The following ZFHX3 variants were observed in gnomAD, a reference collection of about 807,000 sequenced individuals.
ZFHX3 encodes zinc finger homeobox 3, also known as zinc finger homeobox protein 3.
Under a neutral mutation model 279.1 loss-of-function variants are expected in ZFHX3, and 42 were observed. The observed-to-expected ratio is 0.15, with a 90% CI of 0.12 to 0.19. The LOEUF is 0.19. Among genes scored for constraint, ZFHX3 ranks in the 10% least tolerant of loss-of-function variants. The pLI is 1.00. For synonymous variants in ZFHX3, 2,293 were observed against 1,957.8 expected (o/e 1.17, Z -4.52); for missense variants, 4,981 against 4,754.0 (o/e 1.05, Z -1.40).
chr16:72,855,347 G>A (rs1011120752), intron 4 of ZFHX3, among the ~76,000 whole-genome samples: 1 of 152,234 alleles, frequency 6.6e-6, no homozygotes, highest in African/African-American at 2.4e-5. Flanking sequence ...GTGTGTGTGA[G>A]AGCATGAGTG....
intron 8 of ZFHX3, chr16:73,092,301 C>G (rs1464641708): frequency 6.6e-6 from 1 of 152,268 alleles, no homozygotes; most frequent in Non-Finnish European, 1.5e-5. Flanking sequence ...TCACATAGAG[C>G]CAGTTGTCTG....
intron 1 of ZFHX3, among the ~76,000 whole-genome samples, chr16:72,990,551 A>T (rs914492203): frequency 6.6e-6 from 1 of 152,154 alleles, no homozygotes; most frequent in African/African-American, 2.4e-5. Flanking sequence ...GTAGCTGCTG[A>T]GCGATCTTAA....
intron 7 of ZFHX3, among the ~76,000 whole-genome samples, chr16:73,109,796 C>T (rs1322473658): frequency 1.3e-5 from 2 of 151,822 alleles, no homozygotes; most frequent in South Asian, 2.1e-4. Flanking sequence ...TAGCAGTGAG[C>T]CAAGATCAAA....
chr16:73,055,828 A>C (rs1405475742), intron 1 of ZFHX3, among the ~76,000 whole-genome samples: 6 of 146,816 alleles, frequency 4.1e-5, no homozygotes, highest in Admixed American at 2.7e-4. Context: ...GGCCCCCCAA[A>C]TCCTCATACC....
chr16:73,093,883 A>G (rs1966123172), intron 7 of ZFHX3: 1 of 260,730 alleles, frequency 3.8e-6, no homozygotes. Flanking sequence ...AGCTACTAAT[A>G]GTACTAAGTA....
Position 72,798,548 on chromosome 16 carries a change from C to G in ZFHX3, c.4134G>C (p.Gln1378His). ...NQVFKTSAAL[Q>H]THFNEVHAKR... ...TGGCATGCACTTCATTAAAATGCGT[C>G]TGAAGGGCAGCAGAAGTTTTGAAAA... The change falls in exon 9 of 10, where the codon CAG (glutamine) becomes CAC (histidine). Residue 1378 changes from glutamine to histidine, a missense_variant. Physicochemically the swap from Gln to His is conservative, Grantham distance 24. Coordinates refer to ENST00000268489, the MANE Select transcript of ZFHX3 (RefSeq NM_006885.4). The G allele has an allele frequency of 6.2e-7, 1 of 1,614,202 alleles. No individual in the cohort carries two copies. The highest frequency in any genetic ancestry group is 8.5e-7 in the Non-Finnish European group (1 of 1,180,040).
At chr16:73,059,996 C>T (rs771622306), upstream of ZFHX3, among the ~76,000 whole-genome samples, 1 of 152,044 alleles carries the variant, frequency 6.6e-6, no homozygotes, top group South Asian at 2.1e-4. Context: ...CAACTTTCTA[C>T]CTTTCTGGAC....
intron 4 of ZFHX3, among the ~76,000 whole-genome samples, chr16:73,270,534 T>C (rs771162810): frequency 5.9e-5 from 9 of 152,322 alleles, no homozygotes; most frequent in Non-Finnish European, 4.4e-5. Flanking sequence ...AAATATTTGA[T>C]GATTGACTGA....
intron 3 of ZFHX3, among the ~76,000 whole-genome samples, chr16:72,938,319 C>T (rs1040968948): frequency 2.6e-5 from 4 of 152,388 alleles, no homozygotes; most frequent in East Asian, 1.9e-4. Context: ...AACCAAATCA[C>T]ACAGAAATGA....
At chr16:73,004,103 C>T (rs960123511) in intron 1 of ZFHX3, among the ~76,000 whole-genome samples, 3 of 147,748 alleles carry the variant, frequency 2.0e-5, no homozygotes, top group African/African-American at 7.5e-5. Flanking sequence ...GTGTTCTTTG[C>T]CCATTTATCT....
intron 1 of ZFHX3, among the ~76,000 whole-genome samples, chr16:73,846,287 T>C (rs1429792901): frequency 6.6e-6 from 1 of 152,204 alleles, no homozygotes; most frequent in Non-Finnish European, 1.5e-5. Flanking sequence ...AATTTCTGTC[T>C]GGACACGGAA....
At chr16:73,644,708 G>A (rs2052603115) in intron 2 of ZFHX3, among the ~76,000 whole-genome samples, 1 of 151,830 alleles carries the variant, frequency 6.6e-6, no homozygotes, top group South Asian at 2.1e-4. Flanking sequence ...GCAGTTTCCA[G>A]TATAAGACAC....
At chr16:72,891,669 G>A (rs544153010) in intron 3 of ZFHX3, among the ~76,000 whole-genome samples, 1 of 152,158 alleles carries the variant, frequency 6.6e-6, no homozygotes, top group Non-Finnish European at 1.5e-5. Flanking sequence ...AGAAGCTGAG[G>A]CTTGTCTCCT....
Position 72,797,679 on chromosome 16 carries a change from G to A in ZFHX3, c.5003C>T (p.Pro1668Leu). 6.2e-7 allele frequency: 1 copy of A among 1,614,158 alleles called. No homozygotes were observed. Among genetic ancestry groups the A allele is most frequent in the South Asian group, 1.1e-5 (1 of 91,082 alleles). The change falls in exon 9 of 10, where the codon CCA becomes CTA. Residue 1668 changes from proline to leucine, a missense_variant. This residue lies in a region of ZFHX3 where 1,751 missense variants were observed against 1,770.0 expected (regional missense o/e 0.99). Coordinates refer to ENST00000268489, the MANE Select transcript of ZFHX3 (RefSeq NM_006885.4). ...SGSNTFTTSN[P>L]SSAGIAPSSN... ...GCTTGGAGCAATGCCAGCACTGCTT[G>A]GATTGGAGGTGGTAAAGGTGTTACT... is the stretch of plus-strand genomic sequence containing the variant.
At chr16:73,032,037 A>T (rs186311803) in intron 1 of ZFHX3, among the ~76,000 whole-genome samples, 2 of 152,244 alleles carry the variant, frequency 1.3e-5, no homozygotes, top group African/African-American at 4.8e-5. Context: ...AAATAAGAAG[A>T]TGTGTTAAAA....
intron 2 of ZFHX3, among the ~76,000 whole-genome samples, chr16:73,614,108 G>C (rs1399427759): frequency 6.6e-6 from 1 of 152,208 alleles, no homozygotes; most frequent in Non-Finnish European, 1.5e-5. Context: ...GGAAAGAAAA[G>C]GATGAAGCAT....
At chr16:73,226,987 A>G (rs1437308902) in intron 5 of ZFHX3, among the ~76,000 whole-genome samples, 2 of 152,232 alleles carry the variant, frequency 1.3e-5, no homozygotes, top group African/African-American at 4.8e-5. Flanking sequence ...ATTTTATGGT[A>G]TTAGATATTA....
chr16:73,416,811 C>G (rs8043957), intron 3 of ZFHX3, among the ~76,000 whole-genome samples: 1 of 145,202 alleles, frequency 6.9e-6, no homozygotes, highest in Non-Finnish European at 1.5e-5. Flanking sequence ...GAGGCGGAGC[C>G]TGCAGTGAGC....
intron 1 of ZFHX3, among the ~76,000 whole-genome samples, chr16:72,971,836 T>C (rs1755671555): frequency 6.6e-6 from 1 of 151,960 alleles, no homozygotes; most frequent in South Asian, 2.1e-4. Context: ...CATCTATGGA[T>C]ATTTACTGGC....
Sources: gnomAD v4.1 joint callset for allele counts (sites outside exome capture counted in the v4.1 genomes callset) on GRCh38, gnomAD v4.1.1 for gene constraint, gnomAD v4.1.1 regional missense constraint, MANE v1.5 for transcripts, NCBI Gene and HGNC (gene_info 2026-07-23, HGNC 2026-07-21) for gene names.